Variants in PCK2 observed in about 807,000 individuals in gnomAD.
PCK2 encodes the protein phosphoenolpyruvate carboxykinase 2, mitochondrial, also known as phosphoenolpyruvate carboxykinase [GTP], mitochondrial.
PCK2 carries 56 observed loss-of-function variants against 65.9 expected under a neutral mutation model. The ratio of observed to expected loss-of-function variants is 0.85; its 90% CI spans 0.69 to 1.06. The LOEUF is 1.06. Ranked by LOEUF, PCK2 falls within the 50% of genes least tolerant of loss-of-function variation. PCK2 has a pLI of 0.00. For synonymous variants in PCK2, 305 were observed against 319.6 expected (o/e 0.95, Z 0.49); for missense variants, 843 against 863.1 (o/e 0.98, Z 0.29).
At chr14:24,096,731 G>A (rs561436726) in intron 1 of PCK2, among the ~76,000 whole-genome samples, 161 bp from the exon 2 acceptor site, 105 of 152,206 alleles carry the variant, frequency 6.9e-4, no homozygotes, top group African/African-American at 2.4e-3. Flanking sequence ...AGATACATGT[G>A]TCCTGAACAC....
In PCK2 at chr14:24,103,244, C is replaced by T. The variant is rs993891158; in HGVS notation, c.1457C>T (p.Ala486Val). The T allele has an allele frequency of 6.2e-7, 1 of 1,613,280 alleles. No individual in the cohort carries two copies. The change falls in exon 9 of 10, where the codon GCA becomes GTA. Residue 486 changes from alanine to valine, a missense_variant. By Grantham distance (64) the Ala-to-Val change is moderately conservative. Coordinates refer to ENST00000216780, the MANE Select transcript of PCK2 (RefSeq NM_004563.4). ...ATGCGCTCTGAGTCCACTGCTGCAG[C>T]AGAACACAAAGGTGAGCACCCTCAC... ...SAMRSESTAA[A>V]EHKGKIIMHD...
Position 24,103,569 on chromosome 14 carries a change from C to T in PCK2, c.1528C>T (p.His510Tyr), listed in dbSNP as rs145806445. Reference protein sequence around the residue: ...MRPFFGYNFGHYLEHWLSMEG... With the variant: ...MRPFFGYNFGYYLEHWLSMEG... Reference sequence around the variant, plus strand: ...GCCCTTTTTTGGCTACAACTTCGGGCACTACCTGGAACACTGGCTGAGCAT... The same window carrying T: ...GCCCTTTTTTGGCTACAACTTCGGGTACTACCTGGAACACTGGCTGAGCAT... The change falls in exon 10 of 10, where the codon CAC (histidine) becomes TAC (tyrosine). Residue 510 changes from histidine to tyrosine, a missense_variant. His to Tyr is a moderately conservative substitution (Grantham distance 83). Coordinates refer to ENST00000216780, the MANE Select transcript of PCK2 (RefSeq NM_004563.4). 2 of 1,585,182 alleles carry T rather than the reference C, an allele frequency of 1.3e-6. No homozygotes were observed. The highest frequency in any genetic ancestry group is 1.7e-6 in the Non-Finnish European group (2 of 1,163,808).
chr14:24,094,645 C>T lies in PCK2; in HGVS notation c.29+211C>T. The T allele has an allele frequency of 6.7e-7, 1 of 1,491,250 alleles. No individual in the cohort carries two copies. Among genetic ancestry groups the T allele is most frequent in the Non-Finnish European group, 8.9e-7 (1 of 1,121,834 alleles). 92.4% of individuals were successfully genotyped at this position (1,491,250 alleles called of 1,614,324 possible). The stretch of plus-strand genomic sequence containing the variant: ...TGCTCCTCGTTTCCGCCTGCACCTC[C>T]CCTTCTCTGCCTCGCTCGCCTCTGA... On this transcript the variant is annotated intron_variant, in intron 1 of 9. Transcript: ENST00000216780. This position sits in a 1 kb window ranked among gnomAD's most constrained non-coding sequence, Gnocchi z 4.1.
Position 24,094,687 on chromosome 14 carries a change from T to C in PCK2, c.29+253T>C. 3.9e-6 allele frequency: 6 copies of C among 1,521,424 alleles called. 1 individual carries two copies. The highest frequency in any genetic ancestry group is 1.7e-4 in the Middle Eastern group (1 of 5,928). The allele number at this position is 1,521,424 out of a possible 1,614,324, so 94.2% of individuals were successfully genotyped here. On this transcript the variant is annotated intron_variant, in intron 1 of 9. Transcript: ENST00000216780. The surrounding 1 kb of genome is among the most constrained non-coding windows in gnomAD (Gnocchi z 4.1). The stretch of plus-strand genomic sequence containing the variant: ...CGCCTCTGACCGCGCGATCTCTATC[T>C]GCCACTCTCAGAACTTCCTCTCTCT...
At chr14:24,095,987 G>A (rs567748899) in intron 1 of PCK2, among the ~76,000 whole-genome samples, 1 of 152,302 alleles carries the variant, frequency 6.6e-6, no homozygotes, top group South Asian at 2.1e-4. Context: ...TATTCTCTGT[G>A]CAAGAGCCCT....
chr14:24,101,633 C>G (rs767194271), intron 7 of PCK2, among the ~76,000 whole-genome samples: 1 of 152,196 alleles, frequency 6.6e-6, no homozygotes, highest in Non-Finnish European at 1.5e-5. Context: ...GCTTTAAAAT[C>G]AATTCCTTGC....
In PCK2 at chr14:24,104,028, C is replaced by A; in HGVS notation, c.*64C>A. Reference sequence around the variant, plus strand: ...ATCTGGGAATAGGGAAGGCACCTTGCAGAAAATATGAGCAATTTGATATTA... The same window carrying A: ...ATCTGGGAATAGGGAAGGCACCTTGAAGAAAATATGAGCAATTTGATATTA... On this transcript the variant is annotated 3_prime_UTR_variant, in exon 10 of 10. Transcript: ENST00000216780. 8.4e-7 allele frequency: 1 copy of A among 1,184,748 alleles called. No homozygotes were observed. The allele number at this position is 1,184,748 out of a possible 1,614,324, so 73.4% of individuals were successfully genotyped here. A position where few individuals can be genotyped will look rare whatever the true frequency, so the allele number is the denominator to read the frequency against.
chr14:24,096,893 C>T lies in PCK2; in HGVS notation c.31C>T (p.Leu11Phe), dbSNP rs768381631. 82 of 1,612,262 alleles carry T rather than the reference C, an allele frequency of 5.1e-5. No individual in the cohort carries two copies. The highest frequency in any genetic ancestry group is 6.8e-5 in the Non-Finnish European group (80 of 1,179,396). MAALYRPGLR[L>F]NWHGLSPLGW... is the part of the protein sequence containing the mutation. ...TCATTGCCTCTGTTTCTCCTATAGG[C>T]TTAACTGGCATGGGCTGAGCCCCTT... The change falls in exon 2 of 10, where the codon CTT becomes TTT. Residue 11 changes from leucine (L) to phenylalanine (F), a missense_variant and splice_region_variant. By Grantham distance (22) the Leu-to-Phe change is conservative (BLOSUM62 0). Transcript: ENST00000216780.
Position 24,094,482 on chromosome 14 carries a change from G to T in PCK2, c.29+48G>T. The T allele has an allele frequency of 6.7e-7, 1 of 1,486,824 alleles. No homozygotes were observed. Among genetic ancestry groups the T allele is most frequent in the Non-Finnish European group, 8.9e-7 (1 of 1,125,734 alleles). 92.1% of individuals were successfully genotyped at this position (1,486,824 alleles called of 1,614,324 possible). ...CCCACCCGCACCTTCCGCTGCGCTC[G>T]CCCCCTCGGGGCTGCCAGTGGCGCT... On this transcript the variant is annotated intron_variant, in intron 1 of 9. Coordinates refer to ENST00000216780, the MANE Select transcript of PCK2 (RefSeq NM_004563.4). This position sits in a 1 kb window ranked among gnomAD's most constrained non-coding sequence, Gnocchi z 4.1.
Position 24,094,401 on chromosome 14 carries a change from G to T in PCK2, c.-5G>T. 6.4e-7 allele frequency: 1 copy of T among 1,557,304 alleles called. No homozygotes were observed. On this transcript the variant is annotated 5_prime_UTR_variant, in exon 1 of 10. Transcript: ENST00000216780. This position sits in a 1 kb window ranked among gnomAD's most constrained non-coding sequence, Gnocchi z 4.1. ...TGGCCACCCCGCAGCCCCTGCCCAG[G>T]TGCCATGGCCGCATTGTACCGCCCT...
intron 9 of PCK2, 33 bp downstream of exon 9, chr14:24,103,288 G>C (rs1022059200): frequency 6.5e-7 from 1 of 1,533,602 alleles, no homozygotes; most frequent in Non-Finnish European, 9.0e-7. Flanking sequence ...CCTCTCCTGT[G>C]TGTGCACACA....
At chr14:24,099,416 C>A in intron 5 of PCK2, 142 bp from the exon 6 acceptor site, 1 of 1,014,656 alleles carries the variant, frequency 9.9e-7, no homozygotes, top group Non-Finnish European at 1.4e-6. Context: ...CTGCCACTAA[C>A]CCAGGCCTGA....
At chr14:24,094,284 T>G, upstream of PCK2, 41 of 960,628 alleles carry the variant, frequency 4.3e-5, no homozygotes, top group Non-Finnish European at 5.9e-5. The surrounding 1 kb of genome is among the most constrained non-coding windows in gnomAD (Gnocchi z 4.1). Context: ...CCCCCTCCTT[T>G]TTAAGCGCCT....
Position 24,098,514 on chromosome 14 carries a change from T to G in PCK2, c.500T>G (p.Val167Gly). ...GTGCTTCCATTCAGCATGGGTCCTG[T>G]GGGCTCCCCGCTGTCCCGCATCGGG... Reference protein sequence around the residue: ...MYVLPFSMGPVGSPLSRIGVQ... With the variant: ...MYVLPFSMGPGGSPLSRIGVQ... Residue 167 changes from valine to glycine, a missense_variant, in exon 4 of 10, where the codon GTG (valine) becomes GGG (glycine). By Grantham distance (109) the Val-to-Gly change is moderately radical (BLOSUM62 -3). Transcript: ENST00000216780. 1.2e-6 allele frequency: 2 copies of G among 1,614,154 alleles called. No individual in the cohort carries two copies. The highest frequency in any genetic ancestry group is 1.3e-5 in the African/African-American group (1 of 75,076).
rs746389210 is a variant in PCK2 at position 24,099,207 on chromosome 14, G to A, written c.823G>A (p.Asp275Asn). 2.5e-6 allele frequency: 4 copies of A among 1,600,464 alleles called. No individual in the cohort carries two copies. Among genetic ancestry groups the A allele is most frequent in the African/African-American group, 2.7e-5 (2 of 74,848 alleles). The change falls in exon 5 of 10, where the codon GAT (aspartate) becomes AAT (asparagine). Residue 275 changes from aspartate to asparagine, a missense_variant. Coordinates refer to ENST00000216780, the MANE Select transcript of PCK2 (RefSeq NM_004563.4). The stretch of plus-strand genomic sequence containing the variant: ...ACGCATCGCCTCTCGGCTGGCCCGG[G>A]ATGAGGGCTGGCTGGCAGAGCACAT... ...ALRIASRLAR[D>N]EGWLAEHMLI...
rs955211792 is a variant in PCK2 at position 24,103,401 on chromosome 14, A to G, written c.1469-109A>G. 5 of 1,194,318 alleles carry G rather than the reference A, an allele frequency of 4.2e-6. No individual in the cohort carries two copies. In the African/African-American group the frequency reaches 4.5e-5, roughly 11 times the overall value. 74.0% of individuals were successfully genotyped at this position (1,194,318 alleles called of 1,614,324 possible). A position where few individuals can be genotyped will look rare whatever the true frequency, so the allele number is the denominator to read the frequency against. The stretch of plus-strand genomic sequence containing the variant: ...ACTTCTATCTTTTCCCCATCCCTGA[A>G]GATATTCAGAACCATAAGCCTTTCA... On this transcript the variant is annotated intron_variant, in intron 9 of 9. Transcript: ENST00000216780.
Position 24,094,778 on chromosome 14 carries a change from G to T in PCK2, c.29+344G>T. 1 of 1,396,830 alleles carries T rather than the reference G, an allele frequency of 7.2e-7. No homozygotes were observed. The highest frequency in any genetic ancestry group is 9.4e-7 in the Non-Finnish European group (1 of 1,058,494). 86.5% of individuals were successfully genotyped at this position (1,396,830 alleles called of 1,614,324 possible). On this transcript the variant is annotated intron_variant, in intron 1 of 9. Transcript: ENST00000216780. This position sits in a 1 kb window ranked among gnomAD's most constrained non-coding sequence, Gnocchi z 4.1. ...CTTTCCTTCCCAGATACCTCCCTCGGACCTCTAACGGGCTCTCAGCCAGCG... is the reference window on the plus strand; with the variant it reads ...CTTTCCTTCCCAGATACCTCCCTCGTACCTCTAACGGGCTCTCAGCCAGCG...
Position 24,094,315 on chromosome 14 carries a change from C to A in PCK2, c.-91C>A. 2 of 1,319,596 alleles carry A rather than the reference C, an allele frequency of 1.5e-6. No individual in the cohort carries two copies. Among genetic ancestry groups the A allele is most frequent in the Admixed American group, 2.0e-5 (1 of 49,510 alleles). The allele number at this position is 1,319,596 out of a possible 1,614,324, so 81.7% of individuals were successfully genotyped here. ...CGCCTCCCGCCAGCCTCTGCTGTGG[C>A]TCGCTTCGCCGCGCTCCCTCCTTCC... On this transcript the variant is annotated 5_prime_UTR_variant, in exon 1 of 10. Transcript: ENST00000216780. The surrounding 1 kb of genome is among the most constrained non-coding windows in gnomAD (Gnocchi z 4.1).
In PCK2 at chr14:24,094,821, A is replaced by T. The variant is rs1259980811; in HGVS notation, c.29+387A>T. ...AGCCAGCGCCCCAGGGTACTTCGAG[A>T]GGCAGCAGGGCCCTGGGGACAAGGG... On this transcript the variant is annotated intron_variant, in intron 1 of 9. Transcript: ENST00000216780. The surrounding 1 kb of genome is among the most constrained non-coding windows in gnomAD (Gnocchi z 4.1). The T allele has an allele frequency of 1.5e-6, 2 of 1,329,152 alleles. No individual in the cohort carries two copies. The highest frequency in any genetic ancestry group is 4.5e-5 in the Admixed American group (2 of 44,616). 82.3% of individuals were successfully genotyped at this position (1,329,152 alleles called of 1,614,324 possible).
Sources: gnomAD v4.1 joint callset for allele counts (sites outside exome capture counted in the v4.1 genomes callset) on GRCh38, gnomAD v4.1.1 for gene constraint, Gnocchi (gnomAD v3.1) non-coding constraint, MANE v1.5 for transcripts, NCBI Gene and HGNC (gene_info 2026-07-23, HGNC 2026-07-21) for gene names.